Variants in ZFYVE28 observed in about 807,000 individuals in gnomAD.
ZFYVE28 encodes the protein zinc finger FYVE-type containing 28.
ZFYVE28 carries 40 observed loss-of-function variants against 82.1 expected under a neutral mutation model. The observed-to-expected ratio is 0.49, with a 90% CI of 0.38 to 0.63. ZFYVE28 has a LOEUF of 0.63. Ranked by LOEUF, ZFYVE28 falls within the 30% of genes least tolerant of loss-of-function variation. ZFYVE28 has a pLI of 0.00. For synonymous variants in ZFYVE28, 612 were observed against 546.1 expected (o/e 1.12, Z -1.68); for missense variants, 1,321 against 1,242.1 (o/e 1.06, Z -0.96).
intron 1 of ZFYVE28, among the ~76,000 whole-genome samples, chr4:2,366,127 CT>C (rs1242394665): frequency 6.6e-5 from 10 of 152,208 alleles, no homozygotes; most frequent in Admixed American, 6.5e-4. Flanking sequence ...CTCAAAGAGA[CT>C]TCTGGGGGGA....
Position 2,348,839 on chromosome 4 carries a change from T to C in ZFYVE28, c.180+5094A>G, listed in dbSNP as rs77233867. Among the ~76,000 whole-genome samples the C allele has an allele frequency of 2.5e-3, 377 of 152,296 alleles. 11 individuals carry two copies. The East Asian group carries it at 0.061, about 25-fold the overall frequency. Reference sequence around the variant, plus strand: ...TAGGGCCAAATTCTGTCTTTTATCTTTGTAGCATATTTGTGATTCCCAGCT... The same window carrying C: ...TAGGGCCAAATTCTGTCTTTTATCTCTGTAGCATATTTGTGATTCCCAGCT... On this transcript the variant is annotated intron_variant, in intron 2 of 12. Transcript: ENST00000290974.
In ZFYVE28 at chr4:2,408,530, C is replaced by T. The variant is rs916687744; in HGVS notation, c.39+9755G>A. Reference sequence around the variant, plus strand: ...GCACCAGCCGGGGTGGACCAAAGGCCGCAGATGGTTCAGCTGGCTGACCCT... The same window carrying T: ...GCACCAGCCGGGGTGGACCAAAGGCTGCAGATGGTTCAGCTGGCTGACCCT... On this transcript the variant is annotated intron_variant, in intron 1 of 12. Coordinates refer to ENST00000290974, the MANE Select transcript of ZFYVE28 (RefSeq NM_020972.3). The surrounding 1 kb of genome is among the most constrained non-coding windows in gnomAD (Gnocchi z 4.3). 2.6e-5 allele frequency among the ~76,000 whole-genome samples: 4 copies of T among 152,212 alleles called. No individual in the cohort carries two copies. The highest frequency in any genetic ancestry group is 5.9e-5 in the Non-Finnish European group (4 of 68,034).
At chr4:2,347,983 G>A (rs1723831089) in intron 2 of ZFYVE28, among the ~76,000 whole-genome samples, 2 of 152,076 alleles carry the variant, frequency 1.3e-5, no homozygotes, top group Non-Finnish European at 2.9e-5. Flanking sequence ...GAAATTTAAT[G>A]AAAGAGAAAA....
At chr4:2,364,708 CA>C (rs1216863437) in intron 1 of ZFYVE28, 1 of 985,390 alleles carries the variant, frequency 1.0e-6, no homozygotes, top group Non-Finnish European at 1.2e-6. Flanking sequence ...GTCTCGCCGT[CA>C]GGGGTGACAG....
At chr4:2,321,783 G>T (rs963041830) in intron 6 of ZFYVE28, among the ~76,000 whole-genome samples, 1 of 152,022 alleles carries the variant, frequency 6.6e-6, no homozygotes, top group Non-Finnish European at 1.5e-5. Flanking sequence ...ACTCAGTCCC[G>T]CAATGACCTG....
At position 2,304,602 on chromosome 4, in the gene ZFYVE28, G is replaced by A. The variant is rs139733691; in HGVS notation, c.1738C>T (p.Arg580Cys). The A allele has an allele frequency of 5.5e-4, 892 of 1,612,248 alleles. 8 individuals carry two copies. In the Middle Eastern group the frequency reaches 7.3e-3, roughly 13 times the overall value. ...CGDSREDVVE[R>C]LREKCSPGGV... ...CCCGGGCTGCACTTCTCCCGCAGAC[G>A]CTCCACCACGTCCTCCCTGCTGTCC... is the stretch of plus-strand genomic sequence containing the variant. Residue 580 changes from arginine to cysteine, a missense_variant, in exon 8 of 13, where the codon CGT (arginine) becomes TGT (cysteine). Transcript: ENST00000290974.
chr4:2,361,671 G>A (rs1029033216), intron 1 of ZFYVE28, among the ~76,000 whole-genome samples: 3 of 152,138 alleles, frequency 2.0e-5, no homozygotes, highest in African/African-American at 7.2e-5. Flanking sequence ...GGTAACTCAT[G>A]GCCAAGACCA....
chr4:2,380,653 AC>A (rs1430295321), intron 1 of ZFYVE28, among the ~76,000 whole-genome samples: 2 of 152,102 alleles, frequency 1.3e-5, no homozygotes, highest in East Asian at 3.9e-4. Context: ...TGTGGGAGGG[AC>A]CCAGTGGGAG....
intron 9 of ZFYVE28, 90 bp downstream of exon 9, chr4:2,273,972 G>C: frequency 1.4e-6 from 2 of 1,448,116 alleles, no homozygotes; most frequent in South Asian, 2.5e-5. Flanking sequence ...GAAAGTGAGG[G>C]GGAGGTTGTA....
Position 2,339,752 on chromosome 4 carries a change from T to G in ZFYVE28, c.319-97A>C, listed in dbSNP as rs990409669. 5.4e-6 allele frequency: 6 copies of G among 1,110,446 alleles called. No individual in the cohort carries two copies. The Admixed American group carries it at 1.0e-4, about 18-fold the overall frequency. 68.8% of individuals were successfully genotyped at this position (1,110,446 alleles called of 1,614,324 possible). The stretch of plus-strand genomic sequence containing the variant: ...ACCTGACTGCGCACCTCGGGGCCCC[T>G]CTTCTCACCCCACAGCACAGGCCAG... On this transcript the variant is annotated intron_variant, in intron 3 of 12. Coordinates refer to ENST00000290974, the MANE Select transcript of ZFYVE28 (RefSeq NM_020972.3). The surrounding 1 kb of genome is among the most constrained non-coding windows in gnomAD (Gnocchi z 5.0).
At chr4:2,277,262 C>T (rs896417699) in intron 8 of ZFYVE28, among the ~76,000 whole-genome samples, 45 of 152,262 alleles carry the variant, frequency 3.0e-4, no homozygotes, top group African/African-American at 1.0e-3. Flanking sequence ...GGCGGACTGC[C>T]TGAGTTCAGG....
intron 1 of ZFYVE28, among the ~76,000 whole-genome samples, chr4:2,410,927 T>C (rs557493526): frequency 6.6e-6 from 1 of 152,092 alleles, no homozygotes; most frequent in East Asian, 1.9e-4. Context: ...AATTCTTAAA[T>C]GTATCTGACA....
chr4:2,299,898 G>A (rs1202004329), intron 8 of ZFYVE28, among the ~76,000 whole-genome samples: 1 of 152,066 alleles, frequency 6.6e-6, no homozygotes, highest in East Asian at 1.9e-4. Context: ...CTGGGCTCAA[G>A]TGATTCTCCT....
chr4:2,279,545 C>G (rs907661575), intron 8 of ZFYVE28, among the ~76,000 whole-genome samples: 2 of 152,076 alleles, frequency 1.3e-5, no homozygotes, highest in Non-Finnish European at 2.9e-5. Flanking sequence ...TTTGGGAGGC[C>G]AAGGTGGGCG....
At chr4:2,321,107 A>G (rs1433269761) in intron 6 of ZFYVE28, among the ~76,000 whole-genome samples, 1 of 152,070 alleles carries the variant, frequency 6.6e-6, no homozygotes, top group Non-Finnish European at 1.5e-5. Flanking sequence ...TTGGGACCAG[A>G]CCATGTCTCA....
At chr4:2,346,280 A>T (rs894421689) in intron 2 of ZFYVE28, among the ~76,000 whole-genome samples, 2 of 150,774 alleles carry the variant, frequency 1.3e-5, no homozygotes, top group East Asian at 3.9e-4. Flanking sequence ...AGGCAGAGCT[A>T]GCAGTGAGCC....
chr4:2,290,601 C>A (rs1420045699), intron 8 of ZFYVE28, among the ~76,000 whole-genome samples: 1 of 152,214 alleles, frequency 6.6e-6, no homozygotes, highest in Non-Finnish European at 1.5e-5. Context: ...ACCACACCTG[C>A]CCCCTGGCCC....
chr4:2,386,436 G>A (rs1162307108), intron 1 of ZFYVE28, among the ~76,000 whole-genome samples: 1 of 152,172 alleles, frequency 6.6e-6, no homozygotes, highest in African/African-American at 2.4e-5. Context: ...GGTGAGCTGA[G>A]ATCTCACCAC....
At chr4:2,375,369 C>T (rs764345869) in intron 1 of ZFYVE28, among the ~76,000 whole-genome samples, 2 of 152,310 alleles carry the variant, frequency 1.3e-5, no homozygotes, top group African/African-American at 2.4e-5. Context: ...GGGCCAGCAT[C>T]GAAGGAGGCC....
Sources: gnomAD v4.1 joint callset for allele counts (sites outside exome capture counted in the v4.1 genomes callset) on GRCh38, gnomAD v4.1.1 for gene constraint, Gnocchi (gnomAD v3.1) non-coding constraint, MANE v1.5 for transcripts, NCBI Gene and HGNC (gene_info 2026-07-23, HGNC 2026-07-21) for gene names.